The following EFCAB6 variants were observed in gnomAD, a reference collection of about 807,000 sequenced individuals.
EFCAB6 encodes the protein EF-hand calcium binding domain 6.
In EFCAB6, 156 loss-of-function variants were observed where a neutral mutation model predicts 169.8. That is an observed-to-expected ratio of 0.92 (90% CI 0.81 to 1.05). The LOEUF is 1.05. EFCAB6 is among the 50% of genes least tolerant of loss of function. The pLI, the probability that EFCAB6 is intolerant of heterozygous loss-of-function variation, is 0.00. For missense variants in EFCAB6, 1,800 were observed against 1,829.1 expected (o/e 0.98, Z 0.29); for synonymous variants, 698 against 676.4 (o/e 1.03, Z -0.50).
intron 11 of EFCAB6, 22 bp downstream of exon 11, chr22:43,687,449 T>A (rs1569389106): frequency 2.0e-6 from 2 of 1,011,568 alleles, no homozygotes; most frequent in Non-Finnish European, 1.4e-6. Context: ...TAAAATTTGT[T>A]TTTTTTTTTT....
At chr22:43,793,897 T>C (rs1172197722) in intron 2 of EFCAB6, among the ~76,000 whole-genome samples, 1 of 151,468 alleles carries the variant, frequency 6.6e-6, no homozygotes, top group African/African-American at 2.5e-5. Flanking sequence ...AATACCATTG[T>C]TTTTAAATGC....
At chr22:43,606,446 A>C (rs2052923802) in intron 22 of EFCAB6, among the ~76,000 whole-genome samples, 1 of 152,256 alleles carries the variant, frequency 6.6e-6, no homozygotes, top group Non-Finnish European at 1.5e-5. Flanking sequence ...AGGGTGTGTT[A>C]AATGTACTGA....
At chr22:43,745,697 T>A (rs1285534249) in intron 6 of EFCAB6, among the ~76,000 whole-genome samples, 1 of 152,188 alleles carries the variant, frequency 6.6e-6, no homozygotes, top group Admixed American at 6.5e-5. Flanking sequence ...AATGAAACCA[T>A]GAAAAAGGAT....
intron 16 of EFCAB6, among the ~76,000 whole-genome samples, chr22:43,668,535 T>C (rs970565392): frequency 2.6e-5 from 4 of 152,198 alleles, no homozygotes; most frequent in African/African-American, 9.7e-5. Context: ...AGAGTAAATG[T>C]GAATGCAGGT....
chr22:43,768,044 A>T (rs1282561506), intron 4 of EFCAB6, among the ~76,000 whole-genome samples: 1 of 152,244 alleles, frequency 6.6e-6, no homozygotes, highest in East Asian at 1.9e-4. Context: ...TTGCAAGAAG[A>T]CATTTTCTCC....
chr22:43,690,448 G>A (rs1331163466), intron 10 of EFCAB6, among the ~76,000 whole-genome samples: 3 of 151,418 alleles, frequency 2.0e-5, no homozygotes, highest in East Asian at 1.9e-4. Context: ...CCCAGGAGGC[G>A]GAGCCTGCAG....
chr22:43,566,268 G>A (rs1170620901), intron 26 of EFCAB6, among the ~76,000 whole-genome samples: 1 of 152,186 alleles, frequency 6.6e-6, no homozygotes, highest in Non-Finnish European at 1.5e-5. Flanking sequence ...GCAGTTCCAG[G>A]CTTTCTGGTG....
chr22:43,542,579 C>G (rs2047799323), intron 27 of EFCAB6, among the ~76,000 whole-genome samples: 2 of 152,056 alleles, frequency 1.3e-5, no homozygotes, highest in South Asian at 2.1e-4. Flanking sequence ...GACTCCATCT[C>G]AAAAACAAAA....
intron 22 of EFCAB6, 150 bp downstream of exon 22, chr22:43,608,332 G>A (rs1282770750): frequency 5.9e-6 from 4 of 675,982 alleles, no homozygotes; most frequent in Non-Finnish European, 1.0e-5. Context: ...AAGGAACAAG[G>A]AAAGACACAG....
chr22:43,683,920 T>G, intron 11 of EFCAB6, 65 bp from the exon 12 acceptor site: 1 of 1,297,200 alleles, frequency 7.7e-7, no homozygotes, highest in East Asian at 2.3e-5. Flanking sequence ...CTTTTCTTAA[T>G]GCAAGAAACA....
chr22:43,665,541 G>A (rs1433120425), intron 17 of EFCAB6, among the ~76,000 whole-genome samples: 1 of 152,152 alleles, frequency 6.6e-6, no homozygotes, highest in African/African-American at 2.4e-5. Context: ...TATGCATTAC[G>A]GACAAGGACC....
intron 9 of EFCAB6, chr22:43,716,579 C>T (rs2059338950): frequency 2.6e-6 from 1 of 387,720 alleles, no homozygotes; most frequent in Non-Finnish European, 4.5e-6. Flanking sequence ...TACTCAATAA[C>T]GTTGCATTAT....
intron 7 of EFCAB6, 69 bp downstream of exon 7, chr22:43,735,788 A>G: frequency 6.4e-7 from 1 of 1,567,408 alleles, no homozygotes; most frequent in Non-Finnish European, 8.7e-7. Context: ...AATGAACCCA[A>G]CAGGTCTCAT....
chr22:43,711,565 C>T lies in EFCAB6; in HGVS notation c.941G>A (p.Gly314Asp). ...TAGATAATTAAAAGACACGTAGCCA[C>T]CTTTACAGGGGTCCCCTGCACTGAG... is the stretch of plus-strand genomic sequence containing the variant. ...KALSAGDPCK[G>D]GYVSFNYLKI... is the part of the protein sequence containing the mutation. Residue 314 changes from glycine to aspartate, a missense_variant, in exon 10 of 32, where the codon GGT becomes GAT. Transcript: ENST00000262726. 1 of 1,604,384 alleles carries T rather than the reference C, an allele frequency of 6.2e-7. No homozygotes were observed. The highest frequency in any genetic ancestry group is 8.5e-7 in the Non-Finnish European group (1 of 1,177,826).
intron 26 of EFCAB6, among the ~76,000 whole-genome samples, chr22:43,560,296 A>G (rs1268307443): frequency 6.6e-6 from 1 of 152,204 alleles, no homozygotes; most frequent in African/African-American, 2.4e-5. Context: ...TTTTTGGAAA[A>G]GGATAGGAAT....
intron 21 of EFCAB6, among the ~76,000 whole-genome samples, chr22:43,615,267 A>G (rs1371741820): frequency 6.6e-6 from 1 of 152,178 alleles, no homozygotes; most frequent in African/African-American, 2.4e-5. Context: ...ATGCAGTTCT[A>G]TTATCTTGTA....
At chr22:43,726,437 A>T (rs569859119) in intron 8 of EFCAB6, among the ~76,000 whole-genome samples, 1 of 152,342 alleles carries the variant, frequency 6.6e-6, no homozygotes, top group Non-Finnish European at 1.5e-5. Flanking sequence ...ACAGAAAACT[A>T]TCTGGAGGCC....
chr22:43,573,913 A>T (rs1401668075), intron 26 of EFCAB6, among the ~76,000 whole-genome samples: 1 of 152,204 alleles, frequency 6.6e-6, no homozygotes, highest in African/African-American at 2.4e-5. Context: ...GTCAATATTC[A>T]ATCATTTATG....
In EFCAB6 at chr22:43,655,494, T is replaced by C. The variant is rs533857809; in HGVS notation, c.1983+11610A>G. Among the ~76,000 whole-genome samples, 3 of 101,300 alleles carry C rather than the reference T, an allele frequency of 3.0e-5. No individual in the cohort carries two copies. In the South Asian group the frequency reaches 9.3e-4, roughly 31 times the overall value. The allele number at this position is 101,300 out of a possible 152,430, so 66.5% of individuals were successfully genotyped here. On this transcript the variant is annotated intron_variant, in intron 17 of 31. Coordinates refer to ENST00000262726, the MANE Select transcript of EFCAB6 (RefSeq NM_022785.4). ...TAAGCTAATAGACAGGAAAATGAAA[T>C]AACACAACAGAGCGAGACCCTGTCT...
Sources: allele counts gnomAD v4.1 joint callset (sites outside exome capture counted in the v4.1 genomes callset), GRCh38; gene constraint gnomAD v4.1.1; transcripts MANE v1.5; gene names NCBI Gene and HGNC (gene_info 2026-07-23, HGNC 2026-07-21).